The following SMARCA2 variants were observed in gnomAD, a reference collection of about 807,000 sequenced individuals.
The protein encoded by SMARCA2 is SWI/SNF-related matrix-associated actin-dependent regulator of chromatin subfamily A member 2.
SMARCA2 carries 61 observed loss-of-function variants against 199.8 expected under a neutral mutation model. The observed-to-expected ratio is 0.31, with a 90% CI of 0.25 to 0.38. The LOEUF (loss-of-function observed/expected upper bound fraction) is 0.38. Among genes scored for constraint, SMARCA2 ranks in the 10% least tolerant of loss-of-function variants. The pLI is 1.00. For missense variants in SMARCA2, 1,344 were observed against 2,012.2 expected, an observed-to-expected ratio of 0.67 and a Z score of 6.35; for synonymous variants, 935 against 732.0, an observed-to-expected ratio of 1.28 and a Z score of -4.48.
At chr9:2,153,361 A>T (rs754284621) in intron 27 of SMARCA2, among the ~76,000 whole-genome samples, 1 of 152,046 alleles carries the variant, frequency 6.6e-6, no homozygotes, top group East Asian at 1.9e-4. Context: ...ACATAGCCTG[A>T]CCCTGTGTCT....
chr9:2,148,420 A>G (rs187364529), intron 27 of SMARCA2, among the ~76,000 whole-genome samples: 2 of 151,598 alleles, frequency 1.3e-5, no homozygotes, highest in African/African-American at 4.8e-5. Flanking sequence ...TCAGTTGTAT[A>G]CCCTCTAAAA....
At chr9:2,189,412 C>G (rs1489891065) in intron 32 of SMARCA2, among the ~76,000 whole-genome samples, 1 of 152,104 alleles carries the variant, frequency 6.6e-6, no homozygotes, top group African/African-American at 2.4e-5. Context: ...AGATTACGCT[C>G]TCAAGGATAC....
At chr9:2,112,446 A>G (rs1227239482) in intron 24 of SMARCA2, among the ~76,000 whole-genome samples, 2 of 151,804 alleles carry the variant, frequency 1.3e-5, no homozygotes, top group East Asian at 3.9e-4. Flanking sequence ...ACTCTGGGAC[A>G]TCTGTATGAT....
At chr9:2,140,494 A>G (rs1824409681) in intron 27 of SMARCA2, among the ~76,000 whole-genome samples, 1 of 152,168 alleles carries the variant, frequency 6.6e-6, no homozygotes, top group Non-Finnish European at 1.5e-5. Flanking sequence ...GTATCTGATG[A>G]TTGACTGTTC....
At position 2,073,201 on chromosome 9, in the gene SMARCA2, C is replaced by A. The variant is rs960524428; in HGVS notation, c.1747-11C>A. The A allele has an allele frequency of 5.0e-6, 8 of 1,613,826 alleles. No individual in the cohort carries two copies. In the East Asian group the frequency reaches 6.7e-5, roughly 13 times the overall value. ...ACATGAAACCGTGACATGATTTTCC[C>A]TCCTTTGTAGCCCATAGATGAGAGC... is the stretch of plus-strand genomic sequence containing the variant. On this transcript the variant is annotated splice_polypyrimidine_tract_variant and intron_variant, in intron 10 of 33. Coordinates refer to ENST00000349721, the MANE Select transcript of SMARCA2 (RefSeq NM_003070.5).
chr9:2,076,529 T>C (rs531230682), intron 13 of SMARCA2, among the ~76,000 whole-genome samples, 200 bp downstream of exon 13: 1 of 150,702 alleles, frequency 6.6e-6, no homozygotes, highest in Non-Finnish European at 1.5e-5. Context: ...CTCCCTCCCT[T>C]CCTTCCTTCC....
rs755884145 is a variant in SMARCA2 at position 2,158,955 on chromosome 9, A to G, written c.3982-2731A>G. 7 of 1,612,092 alleles carry G rather than the reference A, an allele frequency of 4.3e-6. No individual in the cohort carries two copies. The African/African-American group carries it at 9.3e-5, about 22-fold the overall frequency. Reference sequence around the variant, plus strand: ...TGTAGCTCTCTGCATTCCTGCATAAAACCTTAGTTTGAGGGGAATAATGGT... The same window carrying G: ...TGTAGCTCTCTGCATTCCTGCATAAGACCTTAGTTTGAGGGGAATAATGGT... On this transcript the variant is annotated intron_variant, in intron 27 of 33. Transcript: ENST00000349721.
At chr9:2,061,197 T>C (rs561394484) in intron 9 of SMARCA2, among the ~76,000 whole-genome samples, 1 of 152,318 alleles carries the variant, frequency 6.6e-6, no homozygotes, top group South Asian at 2.1e-4. Context: ...TGGGATATAC[T>C]AAACTAAAAC....
intron 27 of SMARCA2, among the ~76,000 whole-genome samples, chr9:2,143,940 C>A (rs540689923): frequency 1.3e-5 from 2 of 152,154 alleles, no homozygotes; most frequent in African/African-American, 4.8e-5. Context: ...CTGACAAAGG[C>A]AGATTAATAG....
intron 22 of SMARCA2, among the ~76,000 whole-genome samples, chr9:2,102,557 C>G (rs145012086): frequency 1.3e-5 from 2 of 152,238 alleles, no homozygotes; most frequent in African/African-American, 4.8e-5. Context: ...AACAGTATCA[C>G]CTAAAATTCG....
intron 21 of SMARCA2, among the ~76,000 whole-genome samples, chr9:2,098,328 A>G (rs1367090169): frequency 1.3e-5 from 2 of 152,240 alleles, no homozygotes; most frequent in Non-Finnish European, 2.9e-5. Context: ...GTTAAAACTT[A>G]ATCACAGTAT....
intron 2 of SMARCA2, among the ~76,000 whole-genome samples, chr9:2,029,599 A>G (rs1818975186): frequency 6.6e-6 from 1 of 152,252 alleles, no homozygotes; most frequent in Non-Finnish European, 1.5e-5. Context: ...TTATCCACTA[A>G]TGAACATACT....
At chr9:2,179,832 G>C (rs182016183) in intron 29 of SMARCA2, among the ~76,000 whole-genome samples, 3 of 152,252 alleles carry the variant, frequency 2.0e-5, no homozygotes. Flanking sequence ...ATTACAAAGA[G>C]GTCTGACTTT....
At chr9:2,128,850 A>T (rs34797787) in intron 27 of SMARCA2, among the ~76,000 whole-genome samples, 8,118 of 152,090 alleles carry the variant, frequency 0.053, 228 homozygotes, top group Non-Finnish European at 0.067. Flanking sequence ...CTGAAGGGGG[A>T]GTATTGCATT....
chr9:2,191,739 A>G (rs567192873), intron 33 of SMARCA2: 22 of 210,716 alleles, frequency 1.0e-4, no homozygotes, highest in African/African-American at 4.6e-4. Flanking sequence ...CATCACAGCC[A>G]GCATGGTGCC....
intron 27 of SMARCA2, among the ~76,000 whole-genome samples, chr9:2,152,945 T>C (rs1825153835): frequency 6.6e-6 from 1 of 152,180 alleles, no homozygotes; most frequent in African/African-American, 2.4e-5. Flanking sequence ...GGAGAGATTC[T>C]AGATATTCAG....
At chr9:2,029,278 C>T in intron 2 of SMARCA2, 31 bp downstream of exon 2, 2 of 1,585,494 alleles carry the variant, frequency 1.3e-6, no homozygotes, top group Non-Finnish European at 1.7e-6. Context: ...TCAAACTCAA[C>T]TTCTGATAAG....
At chr9:2,136,679 G>A (rs991365752) in intron 27 of SMARCA2, among the ~76,000 whole-genome samples, 1 of 152,106 alleles carries the variant, frequency 6.6e-6, no homozygotes, top group Non-Finnish European at 1.5e-5. Flanking sequence ...AGTGCAATTA[G>A]GAGCCAGGTT....
chr9:2,046,335 TAATC>T (rs1342114099), intron 4 of SMARCA2, among the ~76,000 whole-genome samples: 1 of 152,236 alleles, frequency 6.6e-6, no homozygotes, highest in Non-Finnish European at 1.5e-5. Flanking sequence ...TAAATTAACT[TAATC>T]AATGCACTTT....
Sources: gnomAD v4.1 joint callset for allele counts (sites outside exome capture counted in the v4.1 genomes callset) on GRCh38, gnomAD v4.1.1 for gene constraint, MANE v1.5 for transcripts, NCBI Gene and HGNC (gene_info 2026-07-23, HGNC 2026-07-21) for gene names.